The following METRNL variants were observed in gnomAD, a reference collection of about 807,000 sequenced individuals.
METRNL encodes meteorin-like protein.
METRNL carries 9 observed loss-of-function variants against 17.4 expected under a neutral mutation model. That is an observed-to-expected ratio of 0.52 (90% CI 0.31 to 0.90). METRNL has a LOEUF of 0.90. Ranked by LOEUF, METRNL falls within the 40% of genes least tolerant of loss-of-function variation. The pLI is 0.05. For synonymous variants in METRNL, 215 were observed against 199.3 expected (o/e 1.08, Z -0.66); for missense variants, 408 against 430.7 (o/e 0.95, Z 0.47).
At chr17:83,087,393 C>G (rs12449903) in intron 2 of METRNL, among the ~76,000 whole-genome samples, 76,636 of 151,930 alleles carry the variant, frequency 0.5, 19,868 homozygotes, top group East Asian at 0.72. Flanking sequence ...GGAGCTGGGA[C>G]CCACGCCTGG....
At chr17:83,081,655 AGGGGACCCCCCCACACACACACACAG>A (rs2037990123) in intron 1 of METRNL, among the ~76,000 whole-genome samples, 1 of 149,994 alleles carries the variant, frequency 6.7e-6, no homozygotes. Context: ...GACTCCCCAG[AGGGGACCCCCCCACACACACACACAG>A]GGGACCCCCC....
intron 2 of METRNL, among the ~76,000 whole-genome samples, chr17:83,092,190 G>A (rs1021234897): frequency 2.0e-5 from 3 of 152,212 alleles, no homozygotes; most frequent in Non-Finnish European, 2.9e-5. Flanking sequence ...AAGCCATTTG[G>A]GGCATGCACC....
rs771445826 is a variant in METRNL at position 83,085,215 on chromosome 17, G to A, written c.448G>A (p.Gly150Ser). 43 of 1,602,598 alleles carry A rather than the reference G, an allele frequency of 2.7e-5. No individual in the cohort carries two copies. The highest frequency in any genetic ancestry group is 2.0e-4 in the South Asian group (18 of 90,178). ...GCAGTGTTTTGGCCTGGAGCAGGGCGGCCTGTTCGTGGAGGCCACGCCGCA... is the reference window on the plus strand; with the variant it reads ...GCAGTGTTTTGGCCTGGAGCAGGGCAGCCTGTTCGTGGAGGCCACGCCGCA... ...RVQCFGLEQGGLFVEATPQQD... is the reference protein window; with the variant it reads ...RVQCFGLEQGSLFVEATPQQD... Residue 150 changes from glycine (G) to serine (S), a missense_variant, in exon 2 of 4, where the codon GGC becomes AGC. By Grantham distance (56) the Gly-to-Ser change is moderately conservative. Coordinates refer to ENST00000320095, the MANE Select transcript of METRNL (RefSeq NM_001004431.3).
intron 3 of METRNL, 80 bp from the exon 4 acceptor site, chr17:83,094,176 C>A: frequency 8.2e-7 from 1 of 1,220,722 alleles, no homozygotes; most frequent in Non-Finnish European, 1.1e-6. Flanking sequence ...CCCATCGATG[C>A]GGGGGCAGGG....
chr17:83,085,068 G>C lies in METRNL; in HGVS notation c.301G>C (p.Ala101Pro). Residue 101 changes from alanine to proline, a missense_variant, in exon 2 of 4, where the codon GCC becomes CCC. Transcript: ENST00000320095. ...VNLRPNTFSP[A>P]RHLTVCIRSF... The stretch of plus-strand genomic sequence containing the variant: ...CCTGCGGCCCAACACCTTCTCGCCT[G>C]CCCGGCACCTGACCGTGTGCATCAG... 6.2e-7 allele frequency: 1 copy of C among 1,613,930 alleles called. No individual in the cohort carries two copies. Among genetic ancestry groups the C allele is most frequent in the Non-Finnish European group, 8.5e-7 (1 of 1,180,028 alleles).
rs117722899 is a variant in METRNL at position 83,087,098 on chromosome 17, C to T, written c.556+1775C>T. Among the ~76,000 whole-genome samples, 84 of 152,236 alleles carry T rather than the reference C, an allele frequency of 5.5e-4. No individual in the cohort carries two copies. The East Asian group carries it at 0.014, about 26-fold the overall frequency. ...CAGAGCAGGCATTCGGCGGTGGGTC[C>T]TCGCTCACCCTCCGTGTGCCTCCTG... On this transcript the variant is annotated intron_variant, in intron 2 of 3. Coordinates refer to ENST00000320095, the MANE Select transcript of METRNL (RefSeq NM_001004431.3).
intron 1 of METRNL, among the ~76,000 whole-genome samples, chr17:83,081,293 C>G (rs1014536187): frequency 1.3e-5 from 2 of 152,156 alleles, no homozygotes; most frequent in Admixed American, 6.5e-5. Context: ...CTGCCTCTGC[C>G]CGGCGGGTCG....
intron 1 of METRNL, 59 bp from the exon 2 acceptor site, chr17:83,084,879 T>C: frequency 1.9e-6 from 3 of 1,551,218 alleles, no homozygotes. Flanking sequence ...TCTCTGTGGG[T>C]GCGGGTGGGG....
chr17:83,079,858 C>T lies in METRNL; in HGVS notation c.43C>T (p.Pro15Ser). 1 of 972,174 alleles carries T rather than the reference C, an allele frequency of 1.0e-6. No homozygotes were observed. The highest frequency in any genetic ancestry group is 1.2e-6 in the Non-Finnish European group (1 of 821,160). The allele number at this position is 972,174 out of a possible 1,614,324, so 60.2% of individuals were successfully genotyped here. ...ARAAWGRAGQ[P>S]WPRPPAPGPP... The stretch of plus-strand genomic sequence containing the variant: ...GGCGGCCTGGGGGCGCGCGGGGCAG[C>T]CGTGGCCGCGACCCCCCGCCCCGGG... The change falls in exon 1 of 4, where the codon CCG becomes TCG. Residue 15 changes from proline to serine, a missense_variant. Coordinates refer to ENST00000320095, the MANE Select transcript of METRNL (RefSeq NM_001004431.3).
chr17:83,094,244 T>C lies in METRNL; in HGVS notation c.617-12T>C. On this transcript the variant is annotated splice_polypyrimidine_tract_variant and intron_variant, in intron 3 of 3. Coordinates refer to ENST00000320095, the MANE Select transcript of METRNL (RefSeq NM_001004431.3). The stretch of plus-strand genomic sequence containing the variant: ...TTGCTCACTCCCTGTCCCCATCTCC[T>C]TCCCCGCACAGCCGTTCGAGGCTCC... The C allele has an allele frequency of 6.5e-7, 1 of 1,549,798 alleles. No homozygotes were observed. The highest frequency in any genetic ancestry group is 1.8e-5 in the Admixed American group (1 of 55,632).
At position 83,084,955 on chromosome 17, in the gene METRNL, C is replaced by T; in HGVS notation, c.188C>T (p.Ala63Val). The T allele has an allele frequency of 6.2e-7, 1 of 1,611,866 alleles. No homozygotes were observed. The change falls in exon 2 of 4, where the codon GCA becomes GTA. Residue 63 changes from alanine (A) to valine (V), a missense_variant. Transcript: ENST00000320095. ...CTCTGCAGCGGGCTGACGCACGAGG[C>T]ACACAGGAAGGAGGTGGAGCAGGTG... is the stretch of plus-strand genomic sequence containing the variant. ...SWKGSGLTHE[A>V]HRKEVEQVYL... is the part of the protein sequence containing the mutation.
chr17:83,081,257 C>T (rs1363307120), intron 1 of METRNL, among the ~76,000 whole-genome samples: 3 of 152,272 alleles, frequency 2.0e-5, no homozygotes, highest in African/African-American at 7.2e-5. Flanking sequence ...GCCCCTGCCC[C>T]CGCGGAGTGA....
chr17:83,080,502 C>T (rs566743823), intron 1 of METRNL, among the ~76,000 whole-genome samples: 67 of 144,720 alleles, frequency 4.6e-4, no homozygotes, highest in South Asian at 4.2e-3. Flanking sequence ...TCCGGCCGGG[C>T]CCCCCGCCCC....
intron 2 of METRNL, among the ~76,000 whole-genome samples, chr17:83,092,151 G>C (rs1401894854): frequency 6.6e-6 from 1 of 152,222 alleles, no homozygotes; most frequent in Non-Finnish European, 1.5e-5. Flanking sequence ...GGGCTTCAGA[G>C]GGGGTTCTGT....
intron 2 of METRNL, among the ~76,000 whole-genome samples, chr17:83,088,151 G>A (rs920711271): frequency 9.2e-5 from 14 of 152,192 alleles, no homozygotes; most frequent in African/African-American, 3.4e-4. Flanking sequence ...GGCTGACTAC[G>A]GGCAGGACCT....
intron 1 of METRNL, chr17:83,084,470 G>A: frequency 6.2e-6 from 1 of 161,668 alleles, no homozygotes; most frequent in South Asian, 1.9e-4. Flanking sequence ...TGGTACACAG[G>A]GCCTGCTGGC....
At chr17:83,080,565 ACCC>A (rs1161469227) in intron 1 of METRNL, among the ~76,000 whole-genome samples, 1,173 of 22,012 alleles carry the variant, frequency 0.053, 70 homozygotes, top group South Asian at 0.14. Context: ...GCGCTGGGCG[ACCC>A]CCCCCCCCCC....
intron 1 of METRNL, among the ~76,000 whole-genome samples, chr17:83,082,641 G>T (rs960140232): frequency 2.0e-5 from 3 of 152,242 alleles, no homozygotes; most frequent in Admixed American, 2.0e-4. Flanking sequence ...GACCATTAAA[G>T]ATAGGTCACA....
intron 1 of METRNL, chr17:83,082,195 C>A (rs1236474350): frequency 2.0e-6 from 2 of 985,326 alleles, no homozygotes; most frequent in Non-Finnish European, 2.4e-6. Flanking sequence ...GCCCGGGCAT[C>A]GCAGGTGCGG....
Sources: allele counts gnomAD v4.1 joint callset (sites outside exome capture counted in the v4.1 genomes callset), GRCh38; gene constraint gnomAD v4.1.1; transcripts MANE v1.5; gene names NCBI Gene and HGNC (gene_info 2026-07-23, HGNC 2026-07-21).